Variants in ADCY1 observed in about 807,000 individuals in gnomAD.
The protein encoded by ADCY1 is adenylate cyclase 1.
ADCY1 carries 28 observed loss-of-function variants against 105.4 expected under a neutral mutation model. That is an observed-to-expected ratio of 0.27 (90% CI 0.20 to 0.36). The LOEUF (loss-of-function observed/expected upper bound fraction) is 0.36, where lower values mean the gene tolerates loss of function less well. Ranked by LOEUF, ADCY1 falls within the 10% of genes least tolerant of loss-of-function variation. The pLI is 1.00. For synonymous variants in ADCY1, 655 were observed against 623.8 expected (o/e 1.05, Z -0.75); for missense variants, 977 against 1,434.2 (o/e 0.68, Z 5.15).
At chr7:45,712,251 C>CT (rs5883941) in intron 19 of ADCY1, among the ~76,000 whole-genome samples, 50,150 of 135,290 alleles carry the variant, frequency 0.37, 10,040 homozygotes, top group South Asian at 0.63. Context: ...ATACTTACAC[C>CT]TTTTTTTTTT....
At chr7:45,700,443 A>G (rs749976346) in intron 14 of ADCY1, among the ~76,000 whole-genome samples, 3 of 152,064 alleles carry the variant, frequency 2.0e-5, no homozygotes, top group Non-Finnish European at 4.4e-5. Flanking sequence ...GCTGAAGACT[A>G]TTGTCTTAGC....
intron 4 of ADCY1, among the ~76,000 whole-genome samples, chr7:45,638,277 A>G (rs1349446284): frequency 1.3e-5 from 2 of 152,154 alleles, no homozygotes; most frequent in African/African-American, 4.8e-5. Flanking sequence ...GATTTTCTTC[A>G]AAATTTTTGG....
chr7:45,720,216 A>C lies in ADCY1; in HGVS notation c.*6221A>C, dbSNP rs1785445091. The C allele has an allele frequency of 6.6e-6, 1 of 152,048 alleles. No individual in the cohort carries two copies. Among genetic ancestry groups the C allele is most frequent in the South Asian group, 2.1e-4 (1 of 4,796 alleles). 9.4% of individuals were successfully genotyped at this position (152,048 alleles called of 1,614,324 possible). A position where few individuals can be genotyped will look rare whatever the true frequency, so the allele number is the denominator to read the frequency against. On this transcript the variant is annotated 3_prime_UTR_variant, in exon 20 of 20. Coordinates refer to ENST00000297323, the MANE Select transcript of ADCY1 (RefSeq NM_021116.4). ...AATGGACTGGGAAAAACATCTTTGA[A>C]ATCAGGAAATCAGGCCGGGCGCAGT...
intron 1 of ADCY1, among the ~76,000 whole-genome samples, chr7:45,587,089 A>G (rs1792751947): frequency 6.6e-6 from 1 of 152,324 alleles, no homozygotes; most frequent in Non-Finnish European, 1.5e-5. Context: ...CAAATTCAAT[A>G]GAGAGGTTTT....
intron 8 of ADCY1, among the ~76,000 whole-genome samples, chr7:45,675,648 C>T (rs992444593): frequency 6.6e-6 from 1 of 152,018 alleles, no homozygotes; most frequent in African/African-American, 2.4e-5. Context: ...TCTGGGTTGA[C>T]AGTTCTTAAG....
At chr7:45,677,709 G>C (rs1261040901) in intron 8 of ADCY1, among the ~76,000 whole-genome samples, 160 bp from the exon 9 acceptor site, 2 of 152,188 alleles carry the variant, frequency 1.3e-5, no homozygotes, top group Non-Finnish European at 2.9e-5. Context: ...TGACTCACCT[G>C]CCATCTCACC....
intron 2 of ADCY1, among the ~76,000 whole-genome samples, chr7:45,594,738 ACAC>A: frequency 6.6e-6 from 1 of 152,176 alleles, no homozygotes; most frequent in Non-Finnish European, 1.5e-5. Flanking sequence ...GAGGCAGTCC[ACAC>A]TCAGGGAGGC....
intron 4 of ADCY1, among the ~76,000 whole-genome samples, chr7:45,645,703 T>G (rs1347294739): frequency 2.0e-5 from 3 of 152,030 alleles, no homozygotes; most frequent in South Asian, 2.1e-4. Flanking sequence ...CACTAGCAGT[T>G]GCCCACAATC....
At chr7:45,612,540 G>T (rs1387929050) in intron 3 of ADCY1, among the ~76,000 whole-genome samples, 1 of 152,122 alleles carries the variant, frequency 6.6e-6, no homozygotes, top group Non-Finnish European at 1.5e-5. Flanking sequence ...ATAATCCCTG[G>T]AATACCTCGA....
chr7:45,650,900 C>G (rs989329723), intron 5 of ADCY1, among the ~76,000 whole-genome samples: 3 of 152,198 alleles, frequency 2.0e-5, no homozygotes, highest in Non-Finnish European at 4.4e-5. Context: ...GCAAACCCAC[C>G]TGGCTTGCTC....
intron 5 of ADCY1, among the ~76,000 whole-genome samples, chr7:45,654,950 C>T (rs781362820): frequency 2.1e-4 from 32 of 152,268 alleles, no homozygotes; most frequent in South Asian, 6.2e-4. Context: ...CTGCCCTTCC[C>T]GCCACACAAG....
intron 4 of ADCY1, among the ~76,000 whole-genome samples, chr7:45,648,216 C>T (rs1794714638): frequency 6.6e-6 from 1 of 152,228 alleles, no homozygotes; most frequent in Admixed American, 6.5e-5. Flanking sequence ...GTGAGAGGTC[C>T]ACCCTTCCTG....
intron 2 of ADCY1, among the ~76,000 whole-genome samples, chr7:45,594,966 G>T (rs554562069): frequency 4.9e-4 from 74 of 152,242 alleles, no homozygotes; most frequent in East Asian, 9.6e-4. Context: ...AGCTACTGGT[G>T]TGATAAGTGT....
intron 2 of ADCY1, among the ~76,000 whole-genome samples, chr7:45,597,544 T>C (rs1793111684): frequency 6.6e-6 from 1 of 152,168 alleles, no homozygotes; most frequent in Non-Finnish European, 1.5e-5. Flanking sequence ...CAGCAACCCA[T>C]GAAGAGGGTG....
At chr7:45,656,131 CA>C (rs200011010) in intron 5 of ADCY1, among the ~76,000 whole-genome samples, 49 of 144,234 alleles carry the variant, frequency 3.4e-4, no homozygotes, top group Middle Eastern at 3.5e-3. Context: ...ATTAAAAATA[CA>C]AAAAAAAAAT....
At chr7:45,581,506 G>A (rs1464416301) in intron 1 of ADCY1, among the ~76,000 whole-genome samples, 1 of 152,214 alleles carries the variant, frequency 6.6e-6, no homozygotes, top group East Asian at 1.9e-4. Context: ...GTGGCCATGT[G>A]TCCGCAGTGG....
chr7:45,651,135 G>C (rs761343374), intron 5 of ADCY1, among the ~76,000 whole-genome samples: 13 of 152,088 alleles, frequency 8.5e-5, no homozygotes, highest in Non-Finnish European at 1.6e-4. Context: ...AGTGTTCCCA[G>C]GGCCTCAGGA....
At chr7:45,709,275 T>A (rs182145146) in intron 18 of ADCY1, among the ~76,000 whole-genome samples, 3 of 152,302 alleles carry the variant, frequency 2.0e-5, no homozygotes, top group Admixed American at 2.0e-4. Flanking sequence ...GAGCTACTGA[T>A]GTGCCTGAAA....
At chr7:45,594,900 G>A (rs1337148438) in intron 2 of ADCY1, among the ~76,000 whole-genome samples, 1 of 152,150 alleles carries the variant, frequency 6.6e-6, no homozygotes, top group Non-Finnish European at 1.5e-5. Context: ...GATTGTCATT[G>A]TGGTGTATAT....
Sources: allele counts gnomAD v4.1 joint callset (sites outside exome capture counted in the v4.1 genomes callset), GRCh38; gene constraint gnomAD v4.1.1; transcripts MANE v1.5; gene names NCBI Gene and HGNC (gene_info 2026-07-23, HGNC 2026-07-21).